The following WNT2B variants were observed in gnomAD, a reference collection of about 807,000 sequenced individuals.
The protein encoded by WNT2B is Wnt family member 2B, also known as protein Wnt-2b.
A neutral mutation model predicts 40.5 loss-of-function variants in WNT2B; 19 were observed. The observed-to-expected ratio is 0.47, with a 90% CI of 0.33 to 0.69. WNT2B has a LOEUF of 0.69. WNT2B is among the 30% of genes least tolerant of loss of function. WNT2B has a pLI of 0.02. For missense variants in WNT2B, 467 were observed against 556.4 expected (o/e 0.84, Z 1.62); for synonymous variants, 220 against 211.9 (o/e 1.04, Z -0.33).
upstream of WNT2B, among the ~76,000 whole-genome samples, chr1:112,506,253 C>T (rs555344925): frequency 1.2e-3 from 190 of 152,342 alleles, 1 homozygote; most frequent in Middle Eastern, 0.01. Context: ...CCCAACTCGG[C>T]CTCCCAATGT....
chr1:112,480,478 A>G (rs911691141), intron 1 of WNT2B, among the ~76,000 whole-genome samples: 31 of 152,202 alleles, frequency 2.0e-4, no homozygotes, highest in Middle Eastern at 3.4e-3. Flanking sequence ...AAACAGGATC[A>G]CCTAGAAGAA....
At chr1:112,483,938 C>A (rs1651317034) in intron 1 of WNT2B, among the ~76,000 whole-genome samples, 1 of 150,566 alleles carries the variant, frequency 6.6e-6, no homozygotes, top group Admixed American at 6.6e-5. Flanking sequence ...AATGAAATGT[C>A]ACCTCACACC....
chr1:112,500,789 CTTATATT>C (rs1431563828), intron 1 of WNT2B, among the ~76,000 whole-genome samples: 4 of 152,068 alleles, frequency 2.6e-5, no homozygotes, highest in Non-Finnish European at 5.9e-5. Flanking sequence ...AAATTAAAAT[CTTATATT>C]TTAGAGCAGT....
chr1:112,513,808 G>A (rs981729926), intron 1 of WNT2B, among the ~76,000 whole-genome samples: 2 of 152,224 alleles, frequency 1.3e-5, no homozygotes, highest in Non-Finnish European at 2.9e-5. Context: ...GCAAATCAAG[G>A]AAGGTGCTAT....
chr1:112,483,243 ATAGTAATGAAAACAGTATG>A (rs1557909422), intron 1 of WNT2B, among the ~76,000 whole-genome samples: 1 of 151,442 alleles, frequency 6.6e-6, no homozygotes, highest in African/African-American at 2.4e-5. Flanking sequence ...CACACACATT[ATAGTAATGAAAACAGTATG>A]GTACTTGCAT....
Position 112,526,080 on chromosome 1 carries a change from GC to G in WNT2B, c.*5574del. ...TGTATTCTCCTCAAAGCCTGAGGAT[GC>G]CCAGGGTTGGGGGCACCAGAGTCCC... On this transcript the variant is annotated 3_prime_UTR_variant, in exon 5 of 5. Coordinates refer to ENST00000369684, the MANE Select transcript of WNT2B (RefSeq NM_024494.3). 1 of 1,614,164 alleles carries G rather than the reference GC, an allele frequency of 6.2e-7. No homozygotes were observed.
At chr1:112,470,287 A>AAATATATC (rs1429415056) in intron 1 of WNT2B, among the ~76,000 whole-genome samples, 1 of 152,126 alleles carries the variant, frequency 6.6e-6, no homozygotes, top group African/African-American at 2.4e-5. Flanking sequence ...TCAGCACTTT[A>AAATATATC]AATATATCAT....
chr1:112,511,443 G>T lies in WNT2B; in HGVS notation c.182+1999G>T, dbSNP rs550742030. On this transcript the variant is annotated intron_variant, in intron 1 of 4. Coordinates refer to ENST00000369684, the MANE Select transcript of WNT2B (RefSeq NM_024494.3). ...TAAGGTGAAAAGCTACCTTCTAAGG[G>T]CAGGCTAAGCCCCCAAGCCTTTCTC... Among the ~76,000 whole-genome samples the T allele has an allele frequency of 9.2e-5, 14 of 152,290 alleles. No homozygotes were observed. In the South Asian group the frequency reaches 2.9e-3, roughly 32 times the overall value.
intron 1 of WNT2B, among the ~76,000 whole-genome samples, chr1:112,483,181 T>TACACACACACACAC (rs58250277): frequency 3.5e-5 from 5 of 141,130 alleles, no homozygotes; most frequent in African/African-American, 8.5e-5. Context: ...GCAACATAGA[T>TACACACACACACAC]ACACACACAC....
intron 1 of WNT2B, among the ~76,000 whole-genome samples, chr1:112,484,761 A>G (rs887038669): frequency 1.3e-5 from 2 of 151,916 alleles, no homozygotes; most frequent in South Asian, 4.2e-4. Flanking sequence ...AAAAAGGTTT[A>G]TTTCTTTATA....
At chr1:112,487,569 T>G (rs901706588) in intron 1 of WNT2B, among the ~76,000 whole-genome samples, 1 of 152,224 alleles carries the variant, frequency 6.6e-6, no homozygotes, top group Non-Finnish European at 1.5e-5. Flanking sequence ...GAATATCTCA[T>G]GTAATTTATT....
At chr1:112,517,626 T>G (rs1355782916) in intron 4 of WNT2B, among the ~76,000 whole-genome samples, 2 of 152,208 alleles carry the variant, frequency 1.3e-5, no homozygotes, top group Non-Finnish European at 2.9e-5. Flanking sequence ...CTCCTTTGTA[T>G]CCCAGCATCT....
At position 112,526,002 on chromosome 1, in the gene WNT2B, C is replaced by T; in HGVS notation, c.*5493C>T. 3 of 1,613,832 alleles carry T rather than the reference C, an allele frequency of 1.9e-6. No individual in the cohort carries two copies. The highest frequency in any genetic ancestry group is 1.7e-6 in the Non-Finnish European group (2 of 1,179,820). ...GGTGATTTGTCCAAGGTCACATGAACAGTGCGTGGCTCAGCCAGAACTCAA... is the reference window on the plus strand; with the variant it reads ...GGTGATTTGTCCAAGGTCACATGAATAGTGCGTGGCTCAGCCAGAACTCAA... On this transcript the variant is annotated 3_prime_UTR_variant, in exon 5 of 5. Coordinates refer to ENST00000369684, the MANE Select transcript of WNT2B (RefSeq NM_024494.3).
chr1:112,470,310 G>T (rs990884357), intron 1 of WNT2B, among the ~76,000 whole-genome samples: 3 of 152,002 alleles, frequency 2.0e-5, no homozygotes, highest in African/African-American at 7.3e-5. Flanking sequence ...CACTCTCAGC[G>T]GGGTGCGATG....
intron 1 of WNT2B, among the ~76,000 whole-genome samples, chr1:112,494,719 T>C (rs935159542): frequency 4.6e-5 from 7 of 151,566 alleles, no homozygotes. Flanking sequence ...AATAGGAGAA[T>C]TTGTTGCCAT....
At chr1:112,502,222 G>C (rs1364684642) in intron 1 of WNT2B, among the ~76,000 whole-genome samples, 11 of 152,230 alleles carry the variant, frequency 7.2e-5, no homozygotes, top group African/African-American at 2.6e-4. Context: ...GAGCCACCGG[G>C]CTCTCCTCTC....
rs1280974767 is a variant in WNT2B at position 112,509,946 on chromosome 1, C to T, written c.182+502C>T. On this transcript the variant is annotated intron_variant, in intron 1 of 4. Coordinates refer to ENST00000369684, the MANE Select transcript of WNT2B (RefSeq NM_024494.3). The surrounding 1 kb of genome is among the most constrained non-coding windows in gnomAD (Gnocchi z 4.2). Reference sequence around the variant, plus strand: ...CCGAGGCTTAGAAATGGAATCGAGGCAAAATTTACCCCATTAACTCCCACA... The same window carrying T: ...CCGAGGCTTAGAAATGGAATCGAGGTAAAATTTACCCCATTAACTCCCACA... Among the ~76,000 whole-genome samples, 1 of 152,202 alleles carries T rather than the reference C, an allele frequency of 6.6e-6. No homozygotes were observed. Among genetic ancestry groups the T allele is most frequent in the Non-Finnish European group, 1.5e-5 (1 of 68,032 alleles).
chr1:112,515,634 G>A lies in WNT2B; in HGVS notation c.404-506G>A, dbSNP rs1436692004. ...AATCTGGAGGTGTCAGGCATACAGG[G>A]GCGATAATTCATCAGTCTCCAAGAG... On this transcript the variant is annotated intron_variant, in intron 2 of 4. Transcript: ENST00000369684. This position sits in a 1 kb window ranked among gnomAD's most constrained non-coding sequence, Gnocchi z 4.4. Among the ~76,000 whole-genome samples, 1 of 152,200 alleles carries A rather than the reference G, an allele frequency of 6.6e-6. No homozygotes were observed. Among genetic ancestry groups the A allele is most frequent in the Non-Finnish European group, 1.5e-5 (1 of 68,034 alleles).
intron 1 of WNT2B, among the ~76,000 whole-genome samples, chr1:112,476,037 C>G (rs1342750394): frequency 6.6e-6 from 1 of 152,050 alleles, no homozygotes; most frequent in South Asian, 2.1e-4. Context: ...CAATGATAGA[C>G]AATATTTTTG....
Sources: gnomAD v4.1 joint callset for allele counts (sites outside exome capture counted in the v4.1 genomes callset) on GRCh38, gnomAD v4.1.1 for gene constraint, Gnocchi (gnomAD v3.1) non-coding constraint, MANE v1.5 for transcripts, NCBI Gene and HGNC (gene_info 2026-07-23, HGNC 2026-07-21) for gene names.